ELP4: variants seen among roughly 807,000 people sequenced by gnomAD.
The protein encoded by ELP4 is elongator complex protein 4.
In ELP4, 51 loss-of-function variants were observed where a neutral mutation model predicts 48.9. That is an observed-to-expected ratio of 1.04 (90% CI 0.83 to 1.32). ELP4 has a LOEUF of 1.32. Ranked by LOEUF, ELP4 falls within the 40% of genes most tolerant of loss-of-function variation. The pLI, the probability that ELP4 is intolerant of heterozygous loss-of-function variation, is 0.00. For synonymous variants in ELP4, 210 were observed against 189.2 expected (o/e 1.11, Z -0.90); for missense variants, 519 against 514.6 (o/e 1.01, Z -0.08).
intron 4 of ELP4, among the ~76,000 whole-genome samples, chr11:31,603,333 TTCTTTTGGACC>T (rs1452279125): frequency 3.3e-5 from 5 of 151,888 alleles, no homozygotes; most frequent in African/African-American, 1.2e-4. Flanking sequence ...AATAGCTAGT[TTCTTTTGGACC>T]TCTTACCAGT....
intron 5 of ELP4, among the ~76,000 whole-genome samples, chr11:31,617,726 A>G (rs1944522461): frequency 3.5e-5 from 1 of 28,302 alleles, no homozygotes; most frequent in African/African-American, 5.7e-5. Context: ...GCCAAAAAAA[A>G]GTTAAAAAAA....
intron 3 of ELP4, among the ~76,000 whole-genome samples, chr11:31,548,999 A>C (rs1302019184): frequency 6.6e-6 from 1 of 152,156 alleles, no homozygotes; most frequent in Admixed American, 6.5e-5. Flanking sequence ...GATGGATTAA[A>C]GACTTAAACG....
At chr11:31,700,005 A>G (rs1946488625) in intron 9 of ELP4, among the ~76,000 whole-genome samples, 1 of 152,130 alleles carries the variant, frequency 6.6e-6, no homozygotes, top group Non-Finnish European at 1.5e-5. Context: ...GGCAGTTGAC[A>G]AAGTTTGAAT....
chr11:31,539,199 T>A (rs1242583475), intron 2 of ELP4, among the ~76,000 whole-genome samples: 1 of 152,202 alleles, frequency 6.6e-6, no homozygotes, highest in Non-Finnish European at 1.5e-5. Context: ...GCGCGGTGGC[T>A]TACGCCTGTA....
intron 5 of ELP4, among the ~76,000 whole-genome samples, chr11:31,607,607 A>G (rs1165743370): frequency 3.3e-5 from 5 of 152,170 alleles, no homozygotes; most frequent in African/African-American, 1.2e-4. Flanking sequence ...TCACATTGAC[A>G]ACACCTGAAT....
intron 9 of ELP4, among the ~76,000 whole-genome samples, chr11:31,736,334 A>T (rs534682016): frequency 1.3e-5 from 2 of 152,344 alleles, no homozygotes; most frequent in East Asian, 3.9e-4. Context: ...TTCAAGCTGG[A>T]TTAAAGACTT....
intron 9 of ELP4, among the ~76,000 whole-genome samples, chr11:31,723,235 G>C (rs1427814972): frequency 6.6e-6 from 1 of 152,122 alleles, no homozygotes; most frequent in Non-Finnish European, 1.5e-5. Context: ...AGGAGGCTGG[G>C]AATCCTGTGA....
intron 3 of ELP4, among the ~76,000 whole-genome samples, chr11:31,576,358 G>C (rs1018215949): frequency 8.1e-4 from 123 of 152,172 alleles, no homozygotes; most frequent in African/African-American, 2.8e-3. Flanking sequence ...TTTAACACCT[G>C]ACTGTCAACA....
chr11:31,744,217 C>T (rs1314285177), intron 9 of ELP4, among the ~76,000 whole-genome samples: 1 of 152,026 alleles, frequency 6.6e-6, no homozygotes, highest in Non-Finnish European at 1.5e-5. Context: ...CTGAATAGAC[C>T]AATAACAGGC....
chr11:31,560,685 T>C (rs901225396), intron 3 of ELP4, among the ~76,000 whole-genome samples: 1 of 143,366 alleles, frequency 7.0e-6, no homozygotes, highest in African/African-American at 2.5e-5. Context: ...AAAGACCACA[T>C]TGTTTTATAT....
chr11:31,640,171 A>G (rs1711514630), intron 7 of ELP4, among the ~76,000 whole-genome samples: 1 of 151,954 alleles, frequency 6.6e-6, no homozygotes. Flanking sequence ...GATCTTTTAC[A>G]TTATTTTTAT....
chr11:31,606,957 G>A (rs1957886709), intron 5 of ELP4, among the ~76,000 whole-genome samples: 1 of 152,224 alleles, frequency 6.6e-6, no homozygotes, highest in Non-Finnish European at 1.5e-5. Context: ...TGGAGATGGG[G>A]CCTTTGGGAA....
At chr11:31,575,742 A>G (rs1223612630) in intron 3 of ELP4, among the ~76,000 whole-genome samples, 1 of 152,224 alleles carries the variant, frequency 6.6e-6, no homozygotes, top group Non-Finnish European at 1.5e-5. Context: ...ACAAATGCTG[A>G]GAGATTTCGT....
intron 3 of ELP4, among the ~76,000 whole-genome samples, chr11:31,576,642 C>T (rs900980019): frequency 1.3e-5 from 2 of 152,184 alleles, no homozygotes; most frequent in African/African-American, 2.4e-5. Flanking sequence ...GACACTCACT[C>T]AAAACCACTC....
intron 2 of ELP4, among the ~76,000 whole-genome samples, chr11:31,520,949 A>G (rs1400082937): frequency 6.6e-6 from 1 of 152,072 alleles, no homozygotes; most frequent in African/African-American, 2.4e-5. Flanking sequence ...CAAATGTAAT[A>G]TGACCTGAAA....
At chr11:31,578,181 C>T (rs1433751146) in intron 3 of ELP4, among the ~76,000 whole-genome samples, 1 of 152,178 alleles carries the variant, frequency 6.6e-6, no homozygotes, top group Non-Finnish European at 1.5e-5. Flanking sequence ...TGAGTGAACT[C>T]CCATTCACAA....
intron 2 of ELP4, among the ~76,000 whole-genome samples, chr11:31,532,976 TTGG>T (rs1287071249): frequency 1.3e-5 from 2 of 152,046 alleles, no homozygotes; most frequent in Non-Finnish European, 1.5e-5. Context: ...TTTCATCATG[TTGG>T]TGGTCAGGAT....
chr11:31,577,180 T>A (rs191620468), intron 3 of ELP4, among the ~76,000 whole-genome samples: 82 of 151,972 alleles, frequency 5.4e-4, no homozygotes, highest in African/African-American at 2.0e-3. Flanking sequence ...AACTAGAAAA[T>A]CTAGAAGAAA....
At chr11:31,700,723 C>T (rs1039352346) in intron 9 of ELP4, among the ~76,000 whole-genome samples, 1 of 151,996 alleles carries the variant, frequency 6.6e-6, no homozygotes, top group African/African-American at 2.4e-5. Context: ...AGGAAAGTGT[C>T]AGATTTACAA....
Sources: allele counts gnomAD v4.1 joint callset (sites outside exome capture counted in the v4.1 genomes callset), GRCh38; gene constraint gnomAD v4.1.1; transcripts MANE v1.5; gene names NCBI Gene and HGNC (gene_info 2026-07-23, HGNC 2026-07-21).